The following ISCU variants were observed in gnomAD, a reference collection of about 807,000 sequenced individuals.
ISCU encodes the protein iron-sulfur cluster assembly enzyme ISCU.
In ISCU, 13 loss-of-function variants were observed where a neutral mutation model predicts 18.4. The ratio of observed to expected loss-of-function variants is 0.71; its 90% CI spans 0.46 to 1.12. The LOEUF is 1.12. Ranked by LOEUF, ISCU falls within the 50% of genes most tolerant of loss-of-function variation. The probability of loss-of-function intolerance (pLI) is 0.00; values close to 1 mark genes in which losing one functional copy is unlikely to be tolerated. For synonymous variants in ISCU, 104 were observed against 87.5 expected, an observed-to-expected ratio of 1.19 and a Z score of -1.06; for missense variants, 229 against 208.7, an observed-to-expected ratio of 1.10 and a Z score of -0.60.
intron 3 of ISCU, among the ~76,000 whole-genome samples, chr12:108,566,290 C>G (rs949352119): frequency 2.0e-5 from 3 of 152,232 alleles, no homozygotes; most frequent in Non-Finnish European, 2.9e-5. Flanking sequence ...CCTGCTGTGG[C>G]AGGAGGTAGC....
At chr12:108,562,327 T>G (rs2030611246), upstream of ISCU, among the ~76,000 whole-genome samples, 1 of 150,196 alleles carries the variant, frequency 6.7e-6, no homozygotes. Context: ...GCAGCGGGAT[T>G]TGTGAAAGCG....
upstream of ISCU, chr12:108,562,483 G>A: frequency 2.1e-6 from 1 of 473,788 alleles, no homozygotes. Context: ...GCCAGAAGGC[G>A]GACGCGTGCA....
chr12:108,562,494 C>A, upstream of ISCU: 1 of 507,252 alleles, frequency 2.0e-6, no homozygotes, highest in Non-Finnish European at 3.3e-6. Flanking sequence ...GACGCGTGCA[C>A]GGAGCGGTAA....
Position 108,568,949 on chromosome 12 carries a change from A to G in ISCU, c.*33A>G. The G allele has an allele frequency of 1.3e-6, 2 of 1,574,918 alleles. No individual in the cohort carries two copies. The highest frequency in any genetic ancestry group is 8.7e-7 in the Non-Finnish European group (1 of 1,152,956). ...CTCGGCGAAGCCTCCAGCAGGCCAC[A>G]CCAGCTGTTTCCCACCTGCTGTGCA... On this transcript the variant is annotated 3_prime_UTR_variant, in exon 5 of 5. Coordinates refer to ENST00000311893, the MANE Select transcript of ISCU (RefSeq NM_213595.4).
upstream of ISCU, among the ~76,000 whole-genome samples, chr12:108,562,013 A>C (rs10861944): frequency 0.23 from 34,305 of 152,066 alleles, 4,239 homozygotes; most frequent in East Asian, 0.49. Flanking sequence ...GGTCTAGTAG[A>C]GCGCCTTGAC....
intron 1 of ISCU, chr12:108,563,245 T>G (rs2030715471): frequency 6.5e-6 from 1 of 152,784 alleles, no homozygotes; most frequent in African/African-American, 2.4e-5. Flanking sequence ...TTTCTGTTAC[T>G]GCTTTAGGAG....
intron 1 of ISCU, 94 bp downstream of exon 1, chr12:108,562,830 C>G (rs1181438191): frequency 4.6e-6 from 3 of 654,810 alleles, no homozygotes; most frequent in Non-Finnish European, 6.9e-6. Flanking sequence ...GGACTGGGAG[C>G]TGTCCCCTCC....
At chr12:108,563,547 A>G (rs12308833) in intron 1 of ISCU, 7,426 of 186,568 alleles carry the variant, frequency 0.04, 587 homozygotes, top group African/African-American at 0.17. Flanking sequence ...CGTGCTTACT[A>G]CTAACCAGTA....
rs1425576746 is a variant in ISCU, at chr12:108,564,088, G to C, written c.115-191G>C. Reference sequence around the variant, plus strand: ...TCTCAAATCTGTGAAGTATTGTAGAGGAGACACAAAAGGAATTGGGGGTCA... The same window carrying C: ...TCTCAAATCTGTGAAGTATTGTAGACGAGACACAAAAGGAATTGGGGGTCA... On this transcript the variant is annotated intron_variant, in intron 1 of 4. Coordinates refer to ENST00000311893, the MANE Select transcript of ISCU (RefSeq NM_213595.4). 1.9e-6 allele frequency: 3 copies of C among 1,611,384 alleles called. No individual in the cohort carries two copies. The African/African-American group carries it at 4.0e-5, about 22-fold the overall frequency.
chr12:108,562,993 C>T (rs2030690881), intron 1 of ISCU: 4 of 335,878 alleles, frequency 1.2e-5, no homozygotes, highest in Admixed American at 4.9e-5. Flanking sequence ...GCCAACAGCC[C>T]AGGAGGCAGG....
intron 1 of ISCU, chr12:108,563,116 C>G (rs928143045): frequency 6.0e-6 from 1 of 166,862 alleles, no homozygotes; most frequent in Admixed American, 6.4e-5. Context: ...GTCACTGCGC[C>G]TCTCTGAACC....
chr12:108,564,599 T>C (rs964637722), intron 2 of ISCU, among the ~76,000 whole-genome samples: 3 of 152,246 alleles, frequency 2.0e-5, no homozygotes, highest in African/African-American at 7.2e-5. Flanking sequence ...TAGTGTACTA[T>C]GCCAACTTTT....
In ISCU at chr12:108,564,343, G is replaced by A. The variant is rs746499171; in HGVS notation, c.179G>A (p.Gly60Glu). 3.1e-6 allele frequency: 5 copies of A among 1,614,192 alleles called. No homozygotes were observed. The highest frequency in any genetic ancestry group is 4.2e-6 in the Non-Finnish European group (5 of 1,180,012). ...CTTGACAAGACATCTAAAAATGTTGGAACTGGACTGGTGGGGGCTCCAGCA... is the reference window on the plus strand; with the variant it reads ...CTTGACAAGACATCTAAAAATGTTGAAACTGGACTGGTGGGGGCTCCAGCA... ...GSLDKTSKNVGTGLVGAPACG... is the reference protein window; with the variant it reads ...GSLDKTSKNVETGLVGAPACG... Residue 60 changes from glycine (G) to glutamate (E), a missense_variant, in exon 2 of 5, where the codon GGA (glycine) becomes GAA (glutamate). Gly to Glu is a moderately conservative substitution (Grantham distance 98, BLOSUM62 -2). Coordinates refer to ENST00000311893, the MANE Select transcript of ISCU (RefSeq NM_213595.4).
chr12:108,569,017 G>A lies in ISCU; in HGVS notation c.*101G>A. On this transcript the variant is annotated 3_prime_UTR_variant, in exon 5 of 5. Coordinates refer to ENST00000311893, the MANE Select transcript of ISCU (RefSeq NM_213595.4). ...GAAGCCGCTTCCTCTCCACTGAAGA[G>A]CTATGAGATACGCACAATACTTGCT... The A allele has an allele frequency of 1.1e-6, 1 of 934,764 alleles. No individual in the cohort carries two copies. Among genetic ancestry groups the A allele is most frequent in the South Asian group, 1.4e-5 (1 of 71,626 alleles). 57.9% of individuals were successfully genotyped at this position (934,764 alleles called of 1,614,324 possible). A position where few individuals can be genotyped will look rare whatever the true frequency, so the allele number is the denominator to read the frequency against.
At chr12:108,562,494 C>T, upstream of ISCU, 1 of 507,252 alleles carries the variant, frequency 2.0e-6, no homozygotes, top group Non-Finnish European at 3.3e-6. Context: ...GACGCGTGCA[C>T]GGAGCGGTAA....
intron 4 of ISCU, chr12:108,567,546 T>G (rs1592794069): frequency 2.3e-6 from 2 of 870,432 alleles, no homozygotes; most frequent in East Asian, 5.3e-5. Flanking sequence ...GCACAGTAGA[T>G]GTCATTACTT....
At chr12:108,563,813 A>T in intron 1 of ISCU, 1 of 493,600 alleles carries the variant, frequency 2.0e-6, no homozygotes, top group Non-Finnish European at 3.7e-6. Context: ...ATAAACGTAC[A>T]CATTCCATAG....
rs1295863179 is a variant in ISCU, at chr12:108,562,709, G to C, written c.87G>C (p.Ser29=). Residue 29 remains serine, a synonymous_variant, in exon 1 of 5, where the codon TCG becomes TCC. Transcript: ENST00000311893. Reference sequence around the variant, plus strand: ...CCCGCCTGCCCGCCCGGGAGCTGTCGGCCCCGGCCCGACTCTATCACAAGA... The same window carrying C: ...CCCGCCTGCCCGCCCGGGAGCTGTCCGCCCCGGCCCGACTCTATCACAAGA... The part of the protein sequence containing the change: ...RSPRLPAREL[S]APARLYHKKV... 2.0e-6 allele frequency: 3 copies of C among 1,488,760 alleles called. No homozygotes were observed. Among genetic ancestry groups the C allele is most frequent in the South Asian group, 1.3e-5 (1 of 76,750 alleles). The allele number at this position is 1,488,760 out of a possible 1,614,324, so 92.2% of individuals were successfully genotyped here.
At chr12:108,568,646 C>G in intron 4 of ISCU, 185 bp from the exon 5 acceptor site, 1 of 1,449,874 alleles carries the variant, frequency 6.9e-7, no homozygotes, top group South Asian at 1.5e-5. Flanking sequence ...GGATCACCCG[C>G]AGGAGTAACT....
Sources: gnomAD v4.1 joint callset for allele counts (sites outside exome capture counted in the v4.1 genomes callset) on GRCh38, gnomAD v4.1.1 for gene constraint, MANE v1.5 for transcripts, NCBI Gene and HGNC (gene_info 2026-07-23, HGNC 2026-07-21) for gene names.